Variants in ANO5 observed in about 807,000 individuals in gnomAD.
ANO5 encodes anoctamin-5.
Under a neutral mutation model 121.0 loss-of-function variants are expected in ANO5, and 109 were observed. The ratio of observed to expected loss-of-function variants is 0.90; its 90% CI spans 0.77 to 1.06. ANO5 has a LOEUF of 1.06. ANO5 is among the 50% of genes least tolerant of loss of function. The pLI is 0.00. For synonymous variants in ANO5, 406 were observed against 359.9 expected (o/e 1.13, Z -1.45); for missense variants, 1,064 against 1,078.5 (o/e 0.99, Z 0.19).
intron 8 of ANO5, among the ~76,000 whole-genome samples, chr11:22,239,015 C>A (rs1853331931): frequency 6.6e-6 from 1 of 152,224 alleles, no homozygotes; most frequent in African/African-American, 2.4e-5. Context: ...TAATATTAGT[C>A]AGTATCTAAC....
intron 10 of ANO5, 45 bp from the exon 11 acceptor site, chr11:22,250,696 C>G: frequency 6.4e-6 from 10 of 1,571,000 alleles, no homozygotes; most frequent in Non-Finnish European, 8.8e-6. Flanking sequence ...GGACTTTTAC[C>G]TAAACACCTA....
At chr11:22,213,536 C>T (rs1189378821) in intron 3 of ANO5, among the ~76,000 whole-genome samples, 2 of 151,758 alleles carry the variant, frequency 1.3e-5, no homozygotes, top group Non-Finnish European at 2.9e-5. Flanking sequence ...TATATTCTAT[C>T]AACATGACTT....
At position 22,220,114 on chromosome 11, in the gene ANO5, T is replaced by TA. The variant is rs1160066826; in HGVS notation, c.181-976dup. ...GGAGGCCTGTCTCACCTGACTTGGGTAAAAAAATCCCATAGGGTACAATAA... is the reference window on the plus strand; with the variant it reads ...GGAGGCCTGTCTCACCTGACTTGGGTAAAAAAAATCCCATAGGGTACAATAA... On this transcript the variant is annotated intron_variant, in intron 4 of 21. Transcript: ENST00000324559. Among the ~76,000 whole-genome samples the TA allele has an allele frequency of 2.6e-5, 4 of 151,764 alleles. No individual in the cohort carries two copies. The East Asian group carries it at 5.8e-4, about 22-fold the overall frequency.
In ANO5 at chr11:22,210,856, C is replaced by T. The variant is rs148995417; in HGVS notation, c.88-408C>T. On this transcript the variant is annotated intron_variant, in intron 2 of 21. Transcript: ENST00000324559. ...GGCGTAAAATAGCCAATTAATTCTG[C>T]CTTTCCTGTTGGTCCTCTTCAGGAT... Among the ~76,000 whole-genome samples the T allele has an allele frequency of 4.7e-3, 718 of 152,004 alleles. 1 individual carries two copies. The highest frequency in any genetic ancestry group is 8.1e-3 in the Non-Finnish European group (552 of 67,902).
chr11:22,267,541 A>G (rs1854414487), intron 17 of ANO5, among the ~76,000 whole-genome samples: 1 of 136,768 alleles, frequency 7.3e-6, no homozygotes, highest in East Asian at 2.5e-4. Flanking sequence ...ATCTACAATT[A>G]TACCAAGTGC....
chr11:22,228,746 C>T (rs1281086123), intron 7 of ANO5, among the ~76,000 whole-genome samples: 1 of 151,934 alleles, frequency 6.6e-6, no homozygotes, highest in Non-Finnish European at 1.5e-5. Context: ...TGGTGTTGAT[C>T]TTTCTCTTCC....
chr11:22,278,455 T>A (rs1216622442), intron 21 of ANO5, among the ~76,000 whole-genome samples: 1 of 151,730 alleles, frequency 6.6e-6, no homozygotes, highest in Non-Finnish European at 1.5e-5. Context: ...TTGTTTTCTA[T>A]GAAAACCTGG....
At chr11:22,276,511 C>T (rs1218766749) in intron 21 of ANO5, among the ~76,000 whole-genome samples, 1 of 151,720 alleles carries the variant, frequency 6.6e-6, no homozygotes, top group Non-Finnish European at 1.5e-5. Context: ...TTACTAGTTC[C>T]AGAGGCTGTA....
chr11:22,213,441 A>ATT (rs199678420), intron 3 of ANO5, among the ~76,000 whole-genome samples: 17 of 146,282 alleles, frequency 1.2e-4, no homozygotes, highest in African/African-American at 4.0e-4. Context: ...GACTTTCCTG[A>ATT]TTTTTTTTTT....
At chr11:22,259,828 C>A in intron 15 of ANO5, 87 bp downstream of exon 15, 1 of 1,322,388 alleles carries the variant, frequency 7.6e-7, no homozygotes, top group Non-Finnish European at 1.1e-6. Context: ...TCCAGGAGTT[C>A]ATTTTCAAAG....
At chr11:22,233,467 GATCAT>G (rs1227086393) in intron 7 of ANO5, among the ~76,000 whole-genome samples, 1 of 151,890 alleles carries the variant, frequency 6.6e-6, no homozygotes, top group East Asian at 1.9e-4. Context: ...TTTTGTAAGT[GATCAT>G]AGCAGCCATT....
At chr11:22,272,735 T>A (rs1854667895) in intron 18 of ANO5, 49 bp from the exon 19 acceptor site, 1 of 1,554,100 alleles carries the variant, frequency 6.4e-7, no homozygotes, top group African/African-American at 1.4e-5. Context: ...GGTGTTCCTG[T>A]CTTTCTCCTT....
intron 14 of ANO5, 47 bp from the exon 15 acceptor site, chr11:22,259,472 C>G: frequency 6.6e-7 from 1 of 1,505,302 alleles, no homozygotes; most frequent in Non-Finnish European, 9.2e-7. Flanking sequence ...ATATTCATAA[C>G]AGAGATACAG....
At chr11:22,221,333 A>C in intron 5 of ANO5, 123 bp downstream of exon 5, 1 of 807,416 alleles carries the variant, frequency 1.2e-6, no homozygotes, top group Admixed American at 2.1e-5. Flanking sequence ...GAAAACTGAA[A>C]CTGAATGAGA....
intron 21 of ANO5, among the ~76,000 whole-genome samples, chr11:22,279,287 GA>G (rs918235574): frequency 2.0e-5 from 3 of 151,780 alleles, no homozygotes; most frequent in Admixed American, 6.6e-5. Context: ...AGGTTTTCAG[GA>G]AGGAGCAGTG....
chr11:22,247,804 G>A (rs1853674064), intron 9 of ANO5, among the ~76,000 whole-genome samples: 1 of 152,116 alleles, frequency 6.6e-6, no homozygotes, highest in South Asian at 2.1e-4. Context: ...ATGGGCTGAT[G>A]GAGCATATAA....
chr11:22,251,089 T>C (rs946136442), intron 12 of ANO5, 78 bp downstream of exon 12: 10 of 1,347,764 alleles, frequency 7.4e-6, no homozygotes, highest in Middle Eastern at 2.3e-4. Context: ...ATATGACAGA[T>C]GAAATATCTT....
chr11:22,241,059 A>G (rs1284219233), intron 9 of ANO5, among the ~76,000 whole-genome samples: 2 of 151,798 alleles, frequency 1.3e-5, no homozygotes, highest in Admixed American at 1.3e-4. Context: ...ATTCAGTGGT[A>G]TACATGCATG....
chr11:22,258,733 T>A (rs1443711230), intron 14 of ANO5, among the ~76,000 whole-genome samples: 1 of 152,210 alleles, frequency 6.6e-6, no homozygotes, highest in Non-Finnish European at 1.5e-5. Flanking sequence ...ATGTAGAGCA[T>A]GAGTCAGCAA....
Sources: gnomAD v4.1 joint callset for allele counts (sites outside exome capture counted in the v4.1 genomes callset) on GRCh38, gnomAD v4.1.1 for gene constraint, MANE v1.5 for transcripts, NCBI Gene and HGNC (gene_info 2026-07-23, HGNC 2026-07-21) for gene names.